PECAM1: variants seen among roughly 807,000 people sequenced by gnomAD.
PECAM1 encodes platelet endothelial cell adhesion molecule.
Under a neutral mutation model 13.8 loss-of-function variants are expected in PECAM1, and 8 were observed. The ratio of observed to expected loss-of-function variants is 0.58; its 90% CI spans 0.34 to 1.05. PECAM1 has a LOEUF of 1.05. Ranked by LOEUF, PECAM1 falls within the 50% of genes least tolerant of loss-of-function variation. The probability of loss-of-function intolerance (pLI) is 0.03; values close to 1 mark genes in which losing one functional copy is unlikely to be tolerated. For synonymous variants in PECAM1, 136 were observed against 52.6 expected (o/e 2.58, Z -6.86); for missense variants, 304 against 141.2 (o/e 2.15, Z -5.84).
Position 64,323,137 on chromosome 17 carries a change from AGT to A in PECAM1, c.*677_*678del, listed in dbSNP as rs1237102494. ...CAGCATGGTAGAGGAAAAGAGAAAGAGTGTAGACAAAAACAGTTGAAGAACAT... is the reference window on the plus strand; with the variant it reads ...CAGCATGGTAGAGGAAAAGAGAAAGAGTAGACAAAAACAGTTGAAGAACAT... On this transcript the variant is annotated 3_prime_UTR_variant, in exon 16 of 16. Transcript: ENST00000563924. 2.0e-6 allele frequency: 2 copies of A among 985,818 alleles called. No homozygotes were observed. The highest frequency in any genetic ancestry group is 2.3e-4 in the East Asian group (2 of 8,828). The allele number at this position is 985,818 out of a possible 1,614,324, so 61.1% of individuals were successfully genotyped here.
intron 14 of PECAM1, among the ~76,000 whole-genome samples, chr17:64,335,403 A>G (rs1368038428): frequency 1.6e-4 from 24 of 147,288 alleles, no homozygotes; most frequent in Admixed American, 1.5e-3. Context: ...ACCCTGTCTG[A>G]AAAAAAAAAA....
intron 14 of PECAM1, among the ~76,000 whole-genome samples, chr17:64,331,819 G>A (rs2035129808): frequency 6.6e-6 from 1 of 152,250 alleles, no homozygotes; most frequent in African/African-American, 2.4e-5. Context: ...GACCTCACCT[G>A]CTGCCTGGGG....
intron 14 of PECAM1, among the ~76,000 whole-genome samples, chr17:64,334,735 C>T (rs1181861321): frequency 6.6e-6 from 1 of 152,148 alleles, no homozygotes; most frequent in Non-Finnish European, 1.5e-5. Flanking sequence ...TCTCGATCTC[C>T]TGACCTCATG....
At chr17:64,373,586 T>C (rs1347473340) in intron 4 of PECAM1, among the ~76,000 whole-genome samples, 1 of 151,730 alleles carries the variant, frequency 6.6e-6, no homozygotes, top group Non-Finnish European at 1.5e-5. Context: ...TAAATATATG[T>C]AGAAAAAGTC....
At chr17:64,360,814 ATGTGTGTGTG>A (rs144008571) in intron 6 of PECAM1, among the ~76,000 whole-genome samples, 2 of 141,330 alleles carry the variant, frequency 1.4e-5, no homozygotes, top group Admixed American at 7.1e-5. Context: ...AGCCAACAAA[ATGTGTGTGTG>A]TGTGTGTGTG....
At chr17:64,353,327 ACACACACACACACAACT>A (rs2035772668) in intron 10 of PECAM1, among the ~76,000 whole-genome samples, 147 bp downstream of exon 10, 4 of 151,640 alleles carry the variant, frequency 2.6e-5, no homozygotes, top group South Asian at 4.2e-4. Flanking sequence ...ACACACACAC[ACACACACACACACAACT>A]CACACACACA....
At chr17:64,352,104 T>A (rs932005756) in intron 11 of PECAM1, among the ~76,000 whole-genome samples, 2 of 152,224 alleles carry the variant, frequency 1.3e-5, no homozygotes, top group Non-Finnish European at 2.9e-5. Flanking sequence ...ATTATAATAT[T>A]ACGCTGGAGC....
chr17:64,352,354 G>C (rs1404606558), intron 11 of PECAM1, 36 bp downstream of exon 11: 2 of 473,598 alleles, frequency 4.2e-6, no homozygotes, highest in African/African-American at 4.0e-5. Flanking sequence ...TAGCAAGTTG[G>C]GGGAAATTAG....
At chr17:64,340,662 A>G (rs1246055105) in intron 14 of PECAM1, among the ~76,000 whole-genome samples, 3 of 152,122 alleles carry the variant, frequency 2.0e-5, no homozygotes, top group Non-Finnish European at 4.4e-5. Flanking sequence ...GGTCTGCTTA[A>G]GCTCTGTGCT....
rs2143878306 is a variant in PECAM1 at position 64,377,957 on chromosome 17, G to C, written c.252C>G (p.Asn84Lys). Reference protein sequence around the residue: ...LFYKDDVLFYNISSMKSTESY... With the variant: ...LFYKDDVLFYKISSMKSTESY... ...TCTCTGTGCTCTTCATGGAGGAGAT[G>C]TTGTAAAACAGCACGTCATCCTTAT... Residue 84 changes from asparagine to lysine, a missense_variant, in exon 3 of 16, where the codon AAC (asparagine) becomes AAG (lysine). Transcript: ENST00000563924. 1 of 475,362 alleles carries C rather than the reference G, an allele frequency of 2.1e-6. No homozygotes were observed. The highest frequency in any genetic ancestry group is 6.7e-5 in the South Asian group (1 of 14,878). The allele number at this position is 475,362 out of a possible 1,614,324, so 29.4% of individuals were successfully genotyped here. A position where few individuals can be genotyped will look rare whatever the true frequency, so the allele number is the denominator to read the frequency against.
rs1356723989 is a variant in PECAM1 at position 64,360,322 on chromosome 17, G to T, written c.1310C>A (p.Thr437Asn). ...IEVRCESISG[T>N]LPISYQLLKT... Reference sequence around the variant, plus strand: ...TAAAAGTTGGTAAGAAATAGGCAAAGTTCCACTGATCGATTCGCAACGGAC... The same window carrying T: ...TAAAAGTTGGTAAGAAATAGGCAAATTTCCACTGATCGATTCGCAACGGAC... Residue 437 changes from threonine (T) to asparagine (N), a missense_variant, in exon 7 of 16, where the codon ACT becomes AAT. Transcript: ENST00000563924. 2.1e-6 allele frequency: 1 copy of T among 475,260 alleles called. No individual in the cohort carries two copies. Among genetic ancestry groups the T allele is most frequent in the Non-Finnish European group, 3.9e-6 (1 of 259,052 alleles). 29.4% of individuals were successfully genotyped at this position (475,260 alleles called of 1,614,324 possible). A position where few individuals can be genotyped will look rare whatever the true frequency, so the allele number is the denominator to read the frequency against.
At chr17:64,357,181 T>G (rs2035865656) in intron 7 of PECAM1, among the ~76,000 whole-genome samples, 1 of 152,150 alleles carries the variant, frequency 6.6e-6, no homozygotes, top group South Asian at 2.1e-4. Flanking sequence ...ATTCACTGGT[T>G]ATTCTTTGTT....
chr17:64,368,115 GC>G (rs1282352974), intron 5 of PECAM1, among the ~76,000 whole-genome samples: 3 of 152,206 alleles, frequency 2.0e-5, no homozygotes, highest in Non-Finnish European at 4.4e-5. Context: ...ACCAAGAAGT[GC>G]TGACTGTCTC....
chr17:64,345,222 C>A (rs2035533508), intron 13 of PECAM1, among the ~76,000 whole-genome samples: 1 of 151,996 alleles, frequency 6.6e-6, no homozygotes, highest in Non-Finnish European at 1.5e-5. Flanking sequence ...GTAATCCCAG[C>A]ACTTTGGGAG....
At chr17:64,384,787 C>G (rs1281093765) in intron 2 of PECAM1, among the ~76,000 whole-genome samples, 2 of 152,256 alleles carry the variant, frequency 1.3e-5, no homozygotes, top group Non-Finnish European at 2.9e-5. Flanking sequence ...GATAATAAAT[C>G]TGTGTTATCT....
intron 5 of PECAM1, among the ~76,000 whole-genome samples, chr17:64,366,330 G>A (rs2036104675): frequency 6.6e-6 from 1 of 151,880 alleles, no homozygotes. Context: ...AACAACAGGT[G>A]CTGGAGAGGA....
At chr17:64,381,710 C>T (rs2036484503) in intron 2 of PECAM1, among the ~76,000 whole-genome samples, 1 of 152,154 alleles carries the variant, frequency 6.6e-6, no homozygotes, top group African/African-American at 2.4e-5. Flanking sequence ...AGTCATTTCC[C>T]ACAGCATTAC....
intron 8 of PECAM1, 85 bp downstream of exon 8, chr17:64,356,026 C>T (rs1043114302): frequency 8.5e-6 from 4 of 472,878 alleles, no homozygotes; most frequent in Middle Eastern, 5.9e-4. Flanking sequence ...TAGACTCCCC[C>T]CCAACTCCCT....
chr17:64,358,939 G>A (rs2035909634), intron 7 of PECAM1, among the ~76,000 whole-genome samples: 1 of 151,850 alleles, frequency 6.6e-6, no homozygotes. Context: ...TGGCATTAAA[G>A]GTGCCCACCA....
Sources: allele counts gnomAD v4.1 joint callset (sites outside exome capture counted in the v4.1 genomes callset), GRCh38; gene constraint gnomAD v4.1.1; transcripts MANE v1.5; gene names NCBI Gene and HGNC (gene_info 2026-07-23, HGNC 2026-07-21).